Variants in CREBRF observed in about 807,000 individuals in gnomAD.
CREBRF encodes CREB3 regulatory factor, also known as UPF0474 protein C5orf41.
Under a neutral mutation model 66.1 loss-of-function variants are expected in CREBRF, and 5 were observed. The observed-to-expected ratio is 0.08, with a 90% confidence interval of 0.04 to 0.16. CREBRF has a LOEUF of 0.16. CREBRF is among the 10% of genes least tolerant of loss of function. The pLI, the probability that CREBRF is intolerant of heterozygous loss-of-function variation, is 1.00. For synonymous variants in CREBRF, 229 were observed against 264.4 expected (o/e 0.87, Z 1.30); for missense variants, 531 against 744.9 (o/e 0.71, Z 3.34).
intron 4 of CREBRF, among the ~76,000 whole-genome samples, chr5:173,094,664 A>T (rs999483887): frequency 1.3e-5 from 2 of 152,056 alleles, no homozygotes; most frequent in Non-Finnish European, 1.5e-5. Context: ...GGTTCCTTGT[A>T]TATTTTGGAT....
chr5:173,122,640 C>A, intron 7 of CREBRF, among the ~76,000 whole-genome samples: 1 of 144,858 alleles, frequency 6.9e-6, no homozygotes, highest in African/African-American at 2.5e-5. Context: ...GGTACATGTG[C>A]ACAATGTGCC....
chr5:173,061,063 G>A lies in CREBRF; in HGVS notation c.-192+4584G>A, dbSNP rs556538802. Among the ~76,000 whole-genome samples the A allele has an allele frequency of 8.5e-5, 13 of 152,252 alleles. No individual in the cohort carries two copies. The South Asian group carries it at 2.5e-3, about 29-fold the overall frequency. ...GCTCACTGCAACCTCCGCCTCCCGG[G>A]TTTAAGCGATTCTCCTGCCTCAGCC... On this transcript the variant is annotated intron_variant, in intron 1 of 8. Transcript: ENST00000296953.
chr5:173,087,472 C>A (rs1037172571), intron 3 of CREBRF, among the ~76,000 whole-genome samples: 14 of 145,994 alleles, frequency 9.6e-5, no homozygotes, highest in Admixed American at 2.0e-4. Flanking sequence ...CCAAGGCGGG[C>A]GGATCATGAG....
intron 2 of CREBRF, among the ~76,000 whole-genome samples, chr5:173,082,014 T>TTGTTTTTTTTTTTTTTG (rs1757965290): frequency 2.6e-5 from 3 of 113,784 alleles, no homozygotes; most frequent in South Asian, 3.5e-4. Flanking sequence ...TTTTTTTTTT[T>TTGTTTTTTTTTTTTTTG]TTTTTTTTTT....
At chr5:173,070,171 G>T (rs891290770) in intron 1 of CREBRF, among the ~76,000 whole-genome samples, 5 of 152,098 alleles carry the variant, frequency 3.3e-5, no homozygotes, top group Admixed American at 3.3e-4. Context: ...GGGATTATAG[G>T]CAGTGAACCA....
chr5:173,112,830 C>T (rs72816135), intron 7 of CREBRF, among the ~76,000 whole-genome samples: 5,707 of 152,184 alleles, frequency 0.038, 138 homozygotes, highest in South Asian at 0.091. Flanking sequence ...TTTTAGGCTT[C>T]GTATGAATAA....
intron 2 of CREBRF, chr5:173,086,079 A>G (rs1758135854): frequency 4.7e-6 from 4 of 854,824 alleles, no homozygotes; most frequent in South Asian, 1.3e-5. Context: ...TCTACCAATC[A>G]TAACTGTGAC....
rs112515774 is a variant in CREBRF at position 173,102,664 on chromosome 5, T to TG, written c.1223-5957dup. Among the ~76,000 whole-genome samples, 507 of 152,218 alleles carry TG rather than the reference T, an allele frequency of 3.3e-3. 2 individuals are homozygous for TG. The highest frequency in any genetic ancestry group is 0.011 in the African/African-American group (469 of 41,538). On this transcript the variant is annotated intron_variant, in intron 4 of 8. Transcript: ENST00000296953. ...AGAACTTACCTGGCACCTGTATCTGTGGGAGTGGACTTGGTCCTGACTCCA... is the reference window on the plus strand; with the variant it reads ...AGAACTTACCTGGCACCTGTATCTGTGGGGAGTGGACTTGGTCCTGACTCCA...
intron 4 of CREBRF, among the ~76,000 whole-genome samples, chr5:173,097,353 T>C (rs1428663992): frequency 6.6e-6 from 1 of 152,162 alleles, no homozygotes; most frequent in African/African-American, 2.4e-5. Flanking sequence ...TAAGTGATTC[T>C]CCTGCCTCAG....
At chr5:173,108,158 T>G (rs1376271817) in intron 4 of CREBRF, among the ~76,000 whole-genome samples, 1 of 151,766 alleles carries the variant, frequency 6.6e-6, no homozygotes, top group Non-Finnish European at 1.5e-5. Flanking sequence ...AAAATTAAAA[T>G]AAAAGAAAAA....
intron 3 of CREBRF, among the ~76,000 whole-genome samples, chr5:173,089,572 A>G (rs1758267268): frequency 6.6e-6 from 1 of 151,840 alleles, no homozygotes. Context: ...CTGTAATCCC[A>G]GCAATTTGGG....
chr5:173,072,277 T>TA (rs1264984842), intron 1 of CREBRF, among the ~76,000 whole-genome samples: 1 of 151,818 alleles, frequency 6.6e-6, no homozygotes, highest in African/African-American at 2.4e-5. Context: ...CTAATTTTTT[T>TA]ATCCCTTTTT....
At chr5:173,066,345 A>G (rs535740364) in intron 1 of CREBRF, among the ~76,000 whole-genome samples, 4 of 152,302 alleles carry the variant, frequency 2.6e-5, no homozygotes, top group South Asian at 4.1e-4. Flanking sequence ...GTGACTGCCT[A>G]TGTGCCCTGT....
At chr5:173,097,447 G>A (rs964733234) in intron 4 of CREBRF, among the ~76,000 whole-genome samples, 5 of 152,092 alleles carry the variant, frequency 3.3e-5, no homozygotes, top group African/African-American at 1.2e-4. Context: ...GTTTCGTCAT[G>A]TTGGCCAGGC....
chr5:173,114,664 A>G (rs1758941737), intron 7 of CREBRF, among the ~76,000 whole-genome samples: 1 of 152,208 alleles, frequency 6.6e-6, no homozygotes, highest in African/African-American at 2.4e-5. Flanking sequence ...GACTAGCTTC[A>G]GGGGCCCACT....
intron 8 of CREBRF, among the ~76,000 whole-genome samples, chr5:173,126,135 C>T (rs1308443712): frequency 6.6e-6 from 1 of 151,970 alleles, no homozygotes; most frequent in Non-Finnish European, 1.5e-5. Flanking sequence ...TTAATTTCAA[C>T]CCCAGGGTTT....
rs1051144790 is a variant in CREBRF at position 173,120,521 on chromosome 5, A to C, written c.1682-2559A>C. Among the ~76,000 whole-genome samples, 10 of 151,418 alleles carry C rather than the reference A, an allele frequency of 6.6e-5. No individual in the cohort carries two copies. The East Asian group carries it at 7.8e-4, about 12-fold the overall frequency. On this transcript the variant is annotated intron_variant, in intron 7 of 8. Coordinates refer to ENST00000296953, the MANE Select transcript of CREBRF (RefSeq NM_153607.3). ...CAGTCTCCTGAGTAGCTGGGATTAC[A>C]GGCATACACCACCATGCCTGGCTAA...
intron 1 of CREBRF, among the ~76,000 whole-genome samples, chr5:173,063,318 T>C (rs751219392): frequency 2.0e-5 from 3 of 152,210 alleles, no homozygotes; most frequent in Non-Finnish European, 4.4e-5. Context: ...CTTTTGGGTA[T>C]TACTGATTTT....
chr5:173,133,360 C>T (rs1759518445), intron 8 of CREBRF, among the ~76,000 whole-genome samples: 1 of 152,184 alleles, frequency 6.6e-6, no homozygotes, highest in Non-Finnish European at 1.5e-5. Flanking sequence ...GTTATTTGGA[C>T]TGTTACACTT....
Sources: allele counts gnomAD v4.1 joint callset (sites outside exome capture counted in the v4.1 genomes callset), GRCh38; gene constraint gnomAD v4.1.1; transcripts MANE v1.5; gene names NCBI Gene and HGNC (gene_info 2026-07-23, HGNC 2026-07-21).